The following VAX2 variants were observed in gnomAD, a reference collection of about 807,000 sequenced individuals.
The protein encoded by VAX2 is ventral anterior homeobox 2.
A neutral mutation model predicts 12.5 loss-of-function variants in VAX2; 8 were observed. The observed-to-expected ratio is 0.64, with a 90% CI of 0.37 to 1.15. The LOEUF is 1.15. Ranked by LOEUF, VAX2 falls within the 50% of genes most tolerant of loss-of-function variation. The probability of loss-of-function intolerance (pLI) is 0.01; values close to 1 mark genes in which losing one functional copy is unlikely to be tolerated. For synonymous variants in VAX2, 183 were observed against 187.6 expected (o/e 0.98, Z 0.20); for missense variants, 476 against 412.9 (o/e 1.15, Z -1.32).
rs782610103 is a variant in VAX2, at chr2:70,921,124, G to A, written c.274G>A (p.Val92Ile). Residue 92 changes from valine (V) to isoleucine (I), a missense_variant, in exon 2 of 3, where the codon GTC becomes ATC. By Grantham distance (29) the Val-to-Ile change is conservative. Transcript: ENST00000234392. ...RDAKGTIREI[V>I]LPKGLDLDRP... ...TGCCAAAGGGACAATTCGGGAAATT[G>A]TCCTGCCTAAGGGCCTGGACCTGGA... 2 of 1,606,570 alleles carry A rather than the reference G, an allele frequency of 1.2e-6. No individual in the cohort carries two copies. Among genetic ancestry groups the A allele is most frequent in the Non-Finnish European group, 1.7e-6 (2 of 1,176,580 alleles).
In VAX2 at chr2:70,900,696, CG is replaced by C; in HGVS notation, c.77del (p.Gly26GlufsTer114). On this transcript the variant is annotated frameshift_variant, in exon 1 of 3. Transcript: ENST00000234392. LOFTEE classifies it high-confidence loss of function. Reference protein sequence around the residue: ...AESGGGGGRCGDRSGAGDLRA... With the variant: ...AESGGGGGRCXDRSGAGDLRA... ...AGTCTGGTGGCGGCGGTGGGCGCTGCGGAGACCGCAGCGGAGCGGGGGACTT... is the reference window on the plus strand; with the variant it reads ...AGTCTGGTGGCGGCGGTGGGCGCTGCGAGACCGCAGCGGAGCGGGGGACTT... The C allele has an allele frequency of 7.5e-7, 1 of 1,337,044 alleles. No individual in the cohort carries two copies. Among genetic ancestry groups the C allele is most frequent in the Non-Finnish European group, 9.6e-7 (1 of 1,042,350 alleles). 82.8% of individuals were successfully genotyped at this position (1,337,044 alleles called of 1,614,324 possible). A position where few individuals can be genotyped will look rare whatever the true frequency, so the allele number is the denominator to read the frequency against.
intron 1 of VAX2, among the ~76,000 whole-genome samples, chr2:70,901,883 T>C (rs1369381590): frequency 6.6e-6 from 1 of 152,174 alleles, no homozygotes; most frequent in Non-Finnish European, 1.5e-5. Flanking sequence ...AAGAGGCCAC[T>C]GGCGGTAATG....
intron 1 of VAX2, among the ~76,000 whole-genome samples, chr2:70,916,550 A>G (rs1341883307): frequency 6.6e-6 from 1 of 152,126 alleles, no homozygotes; most frequent in Admixed American, 6.5e-5. Flanking sequence ...CCATCCCCAA[A>G]TCCTGGCAAC....
intron 1 of VAX2, among the ~76,000 whole-genome samples, chr2:70,901,882 C>T (rs564546327): frequency 2.6e-5 from 4 of 152,224 alleles, no homozygotes; most frequent in Admixed American, 6.5e-5. Flanking sequence ...GAAGAGGCCA[C>T]TGGCGGTAAT....
intron 2 of VAX2, among the ~76,000 whole-genome samples, chr2:70,931,789 G>A (rs1312307649): frequency 6.6e-6 from 1 of 152,264 alleles, no homozygotes; most frequent in Non-Finnish European, 1.5e-5. Context: ...CGGCCAATGG[G>A]GGGCTATTTG....
intron 1 of VAX2, among the ~76,000 whole-genome samples, chr2:70,914,176 G>A (rs1311145961): frequency 9.2e-5 from 14 of 152,162 alleles, no homozygotes; most frequent in Admixed American, 8.5e-4. Flanking sequence ...GGCCAGGTGC[G>A]GTGGCTCATA....
At position 70,900,698 on chromosome 2, in the gene VAX2, G is replaced by A. The variant is rs1553409591; in HGVS notation, c.77G>A (p.Gly26Glu). 3 of 1,342,270 alleles carry A rather than the reference G, an allele frequency of 2.2e-6. No individual in the cohort carries two copies. The highest frequency in any genetic ancestry group is 3.7e-5 in the Admixed American group (1 of 27,092). The allele number at this position is 1,342,270 out of a possible 1,614,324, so 83.1% of individuals were successfully genotyped here. A position where few individuals can be genotyped will look rare whatever the true frequency, so the allele number is the denominator to read the frequency against. The change falls in exon 1 of 3, where the codon GGA becomes GAA. Residue 26 changes from glycine (G) to glutamate (E), a missense_variant. Transcript: ENST00000234392. ...TCTGGTGGCGGCGGTGGGCGCTGCG[G>A]AGACCGCAGCGGAGCGGGGGACTTG... The part of the protein sequence containing the change: ...AESGGGGGRC[G>E]DRSGAGDLRA...
intron 1 of VAX2, among the ~76,000 whole-genome samples, chr2:70,910,381 A>C (rs571702145): frequency 2.0e-4 from 31 of 152,282 alleles, no homozygotes; most frequent in Admixed American, 5.2e-4. Flanking sequence ...TCCTAGAAGC[A>C]AACTTTTAAA....
chr2:70,910,211 C>A (rs1679152414), intron 1 of VAX2, among the ~76,000 whole-genome samples: 1 of 151,992 alleles, frequency 6.6e-6, no homozygotes, highest in South Asian at 2.1e-4. Context: ...GAAGATTATT[C>A]CTGAGTTTCT....
At chr2:70,913,328 T>G (rs1425876802) in intron 1 of VAX2, among the ~76,000 whole-genome samples, 4 of 152,256 alleles carry the variant, frequency 2.6e-5, no homozygotes, top group Admixed American at 2.6e-4. Flanking sequence ...CTTATTTTAT[T>G]GCCTTCCCAA....
chr2:70,919,563 A>G (rs1218199243), intron 1 of VAX2, among the ~76,000 whole-genome samples: 1 of 151,866 alleles, frequency 6.6e-6, no homozygotes, highest in Admixed American at 6.6e-5. Context: ...AAATAAGTCC[A>G]GGCACAATGG....
Position 70,921,122 on chromosome 2 carries a change from T to C in VAX2, c.272T>C (p.Ile91Thr), listed in dbSNP as rs782479662. Residue 91 changes from isoleucine to threonine, a missense_variant, in exon 2 of 3, where the codon ATT becomes ACT. Ile to Thr is a moderately conservative substitution (Grantham distance 89, BLOSUM62 -1). Coordinates refer to ENST00000234392, the MANE Select transcript of VAX2 (RefSeq NM_012476.3). ...GATGCCAAAGGGACAATTCGGGAAA[T>C]TGTCCTGCCTAAGGGCCTGGACCTG... The part of the protein sequence containing the change: ...VRDAKGTIRE[I>T]VLPKGLDLDR... The C allele has an allele frequency of 2.5e-6, 4 of 1,605,098 alleles. No homozygotes were observed. Among genetic ancestry groups the C allele is most frequent in the Non-Finnish European group, 3.4e-6 (4 of 1,175,798 alleles).
At chr2:70,903,366 T>C (rs1678976702) in intron 1 of VAX2, among the ~76,000 whole-genome samples, 1 of 152,210 alleles carries the variant, frequency 6.6e-6, no homozygotes, top group African/African-American at 2.4e-5. Flanking sequence ...CCTCACCCCT[T>C]CTGGGTCCTT....
intron 1 of VAX2, among the ~76,000 whole-genome samples, chr2:70,902,010 G>A (rs1553409860): frequency 6.6e-6 from 1 of 152,224 alleles, no homozygotes; most frequent in African/African-American, 2.4e-5. Context: ...CTACCGGCCC[G>A]AGCGGATTTC....
rs570958268 is a variant in VAX2 at position 70,904,070 on chromosome 2, C to A, written c.247+3202C>A. Among the ~76,000 whole-genome samples, 6 of 152,326 alleles carry A rather than the reference C, an allele frequency of 3.9e-5. No homozygotes were observed. Among genetic ancestry groups the A allele is most frequent in the Admixed American group, 2.6e-4 (4 of 15,310 alleles). ...GGACCAGAGCTGCTGAGATGATAGG[C>A]CGGGCGCATAACAGGCACCCCGCAC... On this transcript the variant is annotated intron_variant, in intron 1 of 2. Transcript: ENST00000234392. This position sits in a 1 kb window ranked among gnomAD's most constrained non-coding sequence, Gnocchi z 4.2.
rs550355468 is a variant in VAX2 at position 70,927,671 on chromosome 2, A to T, written c.436-5096A>T. Among the ~76,000 whole-genome samples, 4 of 152,204 alleles carry T rather than the reference A, an allele frequency of 2.6e-5. No homozygotes were observed. In the East Asian group the frequency reaches 7.7e-4, roughly 29 times the overall value. On this transcript the variant is annotated intron_variant, in intron 2 of 2. Transcript: ENST00000234392. ...GAAGCTGGTGGATAATCTCCTGGAA[A>T]ATTCCTCTGTAGTCCTGGCAGCCAA...
chr2:70,913,213 C>T (rs72913619), intron 1 of VAX2, among the ~76,000 whole-genome samples: 3,173 of 152,328 alleles, frequency 0.021, 119 homozygotes, highest in African/African-American at 0.072. Flanking sequence ...AGCTTCTTCA[C>T]TCCTGCTTCC....
At chr2:70,927,830 C>T (rs1198947185) in intron 2 of VAX2, among the ~76,000 whole-genome samples, 3 of 152,016 alleles carry the variant, frequency 2.0e-5, no homozygotes, top group Non-Finnish European at 4.4e-5. Context: ...GGGCAGCCAC[C>T]AAGCACTCAC....
At chr2:70,902,409 G>A (rs1393833623) in intron 1 of VAX2, among the ~76,000 whole-genome samples, 4 of 152,180 alleles carry the variant, frequency 2.6e-5, no homozygotes, top group South Asian at 2.1e-4. Flanking sequence ...GATTAAATCC[G>A]ATTTTATTCT....
Sources: allele counts gnomAD v4.1 joint callset (sites outside exome capture counted in the v4.1 genomes callset), GRCh38; gene constraint gnomAD v4.1.1; non-coding constraint Gnocchi (gnomAD v3.1); transcripts MANE v1.5; gene names NCBI Gene and HGNC (gene_info 2026-07-23, HGNC 2026-07-21).